YAF2: variants seen among roughly 807,000 people sequenced by gnomAD.
YAF2 encodes the protein YY1-associated factor 2.
Under a neutral mutation model 20.1 loss-of-function variants are expected in YAF2, and 7 were observed. The ratio of observed to expected loss-of-function variants is 0.35; its 90% CI spans 0.20 to 0.65. The LOEUF (loss-of-function observed/expected upper bound fraction) is 0.65, where lower values mean the gene tolerates loss of function less well. YAF2 is among the 30% of genes least tolerant of loss of function. The probability of loss-of-function intolerance (pLI) is 0.69; values close to 1 mark genes in which losing one functional copy is unlikely to be tolerated. For missense variants in YAF2, 151 were observed against 219.2 expected, an observed-to-expected ratio of 0.69 and a Z score of 1.96; for synonymous variants, 74 against 76.0, an observed-to-expected ratio of 0.97 and a Z score of 0.14.
In YAF2 at chr12:42,230,189, G is replaced by A. The variant is rs937933981; in HGVS notation, c.152+7410C>T. Among the ~76,000 whole-genome samples the A allele has an allele frequency of 3.3e-5, 5 of 152,184 alleles. No homozygotes were observed. In the South Asian group the frequency reaches 6.2e-4, roughly 19 times the overall value. On this transcript the variant is annotated intron_variant, in intron 2 of 3. Coordinates refer to ENST00000534854, the MANE Select transcript of YAF2 (RefSeq NM_005748.6). The stretch of plus-strand genomic sequence containing the variant: ...GGAGAATCGCTCAAATCTGGGAGGC[G>A]GAGATTGCAGTGAGCCAAGATCGCG...
At chr12:42,202,156 G>A (rs538773483) in intron 2 of YAF2, among the ~76,000 whole-genome samples, 3 of 151,122 alleles carry the variant, frequency 2.0e-5, no homozygotes, top group Admixed American at 6.6e-5. Context: ...TCTCCCTCCC[G>A]CCAAGGAATG....
intron 2 of YAF2, among the ~76,000 whole-genome samples, chr12:42,183,984 T>C (rs2066409489): frequency 1.3e-5 from 2 of 152,216 alleles, no homozygotes; most frequent in Admixed American, 6.5e-5. Flanking sequence ...ATGCTAAATA[T>C]ACTCTGCCTG....
intron 2 of YAF2, among the ~76,000 whole-genome samples, chr12:42,236,564 G>A (rs1299460493): frequency 1.5e-5 from 1 of 67,126 alleles, no homozygotes; most frequent in African/African-American, 1.7e-4. Flanking sequence ...ATAAAATTCT[G>A]TAAAGTGTTT....
intron 2 of YAF2, among the ~76,000 whole-genome samples, chr12:42,201,990 T>A (rs1394737922): frequency 2.0e-5 from 3 of 152,234 alleles, no homozygotes; most frequent in Non-Finnish European, 4.4e-5. Flanking sequence ...ATCTTCCATA[T>A]CCTAAAGTTG....
intron 2 of YAF2, chr12:42,172,082 T>G (rs891939707): frequency 6.6e-6 from 1 of 152,258 alleles, no homozygotes; most frequent in African/African-American, 2.4e-5. Context: ...GCTCTTTCTA[T>G]ATTTGATTTA....
At position 42,160,466 on chromosome 12, in the gene YAF2, T is replaced by C. The variant is rs2065774403; in HGVS notation, c.*123A>G. ...CAAATTCTAACAAATTTCTATTTTATGTAAAACTCAAATTATGGATTGTGC... is the reference window on the plus strand; with the variant it reads ...CAAATTCTAACAAATTTCTATTTTACGTAAAACTCAAATTATGGATTGTGC... On this transcript the variant is annotated 3_prime_UTR_variant, in exon 4 of 4. Transcript: ENST00000534854. The C allele has an allele frequency of 5.3e-6, 4 of 751,110 alleles. No individual in the cohort carries two copies. Among genetic ancestry groups the C allele is most frequent in the Non-Finnish European group, 8.6e-6 (4 of 462,994 alleles). 46.5% of individuals were successfully genotyped at this position (751,110 alleles called of 1,614,324 possible).
intron 2 of YAF2, chr12:42,232,362 TA>T: frequency 1.1e-6 from 1 of 913,210 alleles, no homozygotes; most frequent in Non-Finnish European, 1.3e-6. Context: ...AAGCTTCAAC[TA>T]AAAAGATCTC....
At chr12:42,226,446 T>G (rs1184078299) in intron 2 of YAF2, among the ~76,000 whole-genome samples, 1 of 152,144 alleles carries the variant, frequency 6.6e-6, no homozygotes, top group African/African-American at 2.4e-5. Flanking sequence ...AGGATTGCTT[T>G]GGCCCAGGAG....
chr12:42,182,142 C>T (rs772512017), intron 2 of YAF2, among the ~76,000 whole-genome samples: 4 of 151,922 alleles, frequency 2.6e-5, no homozygotes, highest in Non-Finnish European at 5.9e-5. Flanking sequence ...GTTAAAACTA[C>T]AAAAGCATCA....
intron 2 of YAF2, among the ~76,000 whole-genome samples, chr12:42,212,093 G>C (rs1467764246): frequency 6.6e-6 from 1 of 150,794 alleles, no homozygotes; most frequent in Non-Finnish European, 1.5e-5. Flanking sequence ...ACAAACAAAA[G>C]TATGCCAGTC....
chr12:42,207,503 T>C (rs2067078330), intron 2 of YAF2, among the ~76,000 whole-genome samples: 1 of 152,126 alleles, frequency 6.6e-6, no homozygotes, highest in Non-Finnish European at 1.5e-5. Context: ...AGAATTTCAC[T>C]ATACCAGCTT....
At chr12:42,178,111 T>C (rs2066244458) in intron 2 of YAF2, among the ~76,000 whole-genome samples, 1 of 152,224 alleles carries the variant, frequency 6.6e-6, no homozygotes, top group South Asian at 2.1e-4. Context: ...TGCAAAAATA[T>C]GTACATCTAT....
chr12:42,179,789 CAAA>C (rs71084622), intron 2 of YAF2, among the ~76,000 whole-genome samples: 10 of 85,132 alleles, frequency 1.2e-4, no homozygotes, highest in Admixed American at 1.5e-4. Context: ...GTCTAAAAGG[CAAA>C]AAAAAAAAAA....
chr12:42,160,539 G>A lies in YAF2; in HGVS notation c.*50C>T, dbSNP rs747464590. On this transcript the variant is annotated 3_prime_UTR_variant, in exon 4 of 4. Coordinates refer to ENST00000534854, the MANE Select transcript of YAF2 (RefSeq NM_005748.6). ...TGTGGTACCTCTTGGCATAATCTGTGTATTTGCATGGTAGGACAGAAGTGA... is the reference window on the plus strand; with the variant it reads ...TGTGGTACCTCTTGGCATAATCTGTATATTTGCATGGTAGGACAGAAGTGA... 3.6e-6 allele frequency: 5 copies of A among 1,402,422 alleles called. No homozygotes were observed. The highest frequency in any genetic ancestry group is 5.0e-6 in the Non-Finnish European group (5 of 998,784). The allele number at this position is 1,402,422 out of a possible 1,614,324, so 86.9% of individuals were successfully genotyped here.
At chr12:42,220,529 T>C (rs2067482417) in intron 2 of YAF2, among the ~76,000 whole-genome samples, 1 of 152,078 alleles carries the variant, frequency 6.6e-6, no homozygotes, top group South Asian at 2.1e-4. Context: ...CTTTGGGCTG[T>C]GGGGGAACAA....
At chr12:42,218,880 A>C (rs2067436681) in intron 2 of YAF2, among the ~76,000 whole-genome samples, 1 of 152,162 alleles carries the variant, frequency 6.6e-6, no homozygotes, top group Admixed American at 6.6e-5. Flanking sequence ...AAAAAAGGAA[A>C]GATATAGGGA....
chr12:42,210,176 A>C (rs947482329), intron 2 of YAF2, among the ~76,000 whole-genome samples: 8 of 152,216 alleles, frequency 5.3e-5, no homozygotes, highest in Non-Finnish European at 8.8e-5. Flanking sequence ...TTTTACTCAT[A>C]CACCCATTAA....
At chr12:42,223,520 T>G (rs1376428802) in intron 2 of YAF2, among the ~76,000 whole-genome samples, 1 of 152,114 alleles carries the variant, frequency 6.6e-6, no homozygotes, top group Non-Finnish European at 1.5e-5. Flanking sequence ...AAAAGTGCTT[T>G]ATTTATATTT....
intron 2 of YAF2, chr12:42,232,364 A>T (rs758284663): frequency 1.6e-5 from 15 of 921,912 alleles, no homozygotes; most frequent in Admixed American, 6.2e-5. Context: ...GCTTCAACTA[A>T]AAAGATCTCA....
Sources: gnomAD v4.1 joint callset for allele counts (sites outside exome capture counted in the v4.1 genomes callset) on GRCh38, gnomAD v4.1.1 for gene constraint, MANE v1.5 for transcripts, NCBI Gene and HGNC (gene_info 2026-07-23, HGNC 2026-07-21) for gene names.